The following FAM13A variants were observed in gnomAD, a reference collection of about 807,000 sequenced individuals.
FAM13A encodes protein FAM13A.
In FAM13A, 76 loss-of-function variants were observed where a neutral mutation model predicts 129.6. The observed-to-expected ratio is 0.59, with a 90% CI of 0.49 to 0.71. The LOEUF (loss-of-function observed/expected upper bound fraction) is 0.71, where lower values mean the gene tolerates loss of function less well. Among genes scored for constraint, FAM13A ranks in the 30% least tolerant of loss-of-function variants. FAM13A has a pLI of 0.00. For synonymous variants in FAM13A, 443 were observed against 449.9 expected (o/e 0.98, Z 0.20); for missense variants, 1,108 against 1,249.3 (o/e 0.89, Z 1.70).
At chr4:88,871,348 G>A (rs1333733770) in intron 6 of FAM13A, among the ~76,000 whole-genome samples, 7 of 152,132 alleles carry the variant, frequency 4.6e-5, no homozygotes, top group Middle Eastern at 3.2e-3. Flanking sequence ...AAACTTCTTC[G>A]AGCTAAAGGA....
chr4:88,805,171 T>G, intron 7 of FAM13A, 119 bp from the exon 8 acceptor site: 1 of 641,084 alleles, frequency 1.6e-6, no homozygotes, highest in Non-Finnish European at 2.8e-6. Context: ...AATCACATGA[T>G]GGAATAAGGT....
At chr4:89,022,451 T>C (rs1253307881) in intron 2 of FAM13A, among the ~76,000 whole-genome samples, 1 of 152,186 alleles carries the variant, frequency 6.6e-6, no homozygotes, top group Non-Finnish European at 1.5e-5. Flanking sequence ...ATATGAATTT[T>C]AGCTCCAATT....
At chr4:88,797,684 T>C (rs949887271) in intron 8 of FAM13A, among the ~76,000 whole-genome samples, 4 of 152,190 alleles carry the variant, frequency 2.6e-5, no homozygotes, top group Admixed American at 6.5e-5. Context: ...GCCTTCAACA[T>C]AGTTTTTAAA....
At chr4:88,990,527 T>G (rs1474361496) in intron 4 of FAM13A, 1 of 153,074 alleles carries the variant, frequency 6.5e-6, no homozygotes, top group Non-Finnish European at 1.5e-5. Flanking sequence ...TAGACTGGTT[T>G]ATTTCCAGTA....
intron 4 of FAM13A, among the ~76,000 whole-genome samples, chr4:88,945,990 G>GTGTGTGTGTGTGTGTATATATA: frequency 2.1e-4 from 13 of 61,944 alleles, no homozygotes; most frequent in Non-Finnish European, 3.2e-4. Flanking sequence ...GTGTGTGTGT[G>GTGTGTGTGTGTGTGTATATATA]TATATATATA....
At chr4:89,055,220 T>G (rs532451992) in intron 1 of FAM13A, among the ~76,000 whole-genome samples, 2 of 152,336 alleles carry the variant, frequency 1.3e-5, no homozygotes, top group South Asian at 4.1e-4. Flanking sequence ...TTTGTCACGA[T>G]GTTTAAAATT....
chr4:88,923,036 T>G (rs1017163643), intron 5 of FAM13A, among the ~76,000 whole-genome samples: 6 of 152,038 alleles, frequency 3.9e-5, no homozygotes, highest in Non-Finnish European at 7.4e-5. Context: ...AATAACAGGC[T>G]CTGAAATTGT....
intron 6 of FAM13A, among the ~76,000 whole-genome samples, chr4:88,878,419 A>G (rs538767268): frequency 1.3e-5 from 2 of 151,866 alleles, no homozygotes; most frequent in African/African-American, 4.8e-5. Context: ...TGAGAGCACT[A>G]TACTGGTAAT....
At chr4:89,004,240 A>G (rs374302121) in intron 3 of FAM13A, among the ~76,000 whole-genome samples, 2 of 152,184 alleles carry the variant, frequency 1.3e-5, no homozygotes, top group East Asian at 3.9e-4. Flanking sequence ...TCGGATTCAA[A>G]TAACTCCCGT....
chr4:88,904,311 T>C (rs1320196657), intron 6 of FAM13A, among the ~76,000 whole-genome samples: 2 of 152,162 alleles, frequency 1.3e-5, no homozygotes, highest in African/African-American at 4.8e-5. Context: ...TAACAATACA[T>C]GCACATGTAT....
chr4:88,795,965 C>T (rs1330273029), intron 8 of FAM13A, among the ~76,000 whole-genome samples: 1 of 151,658 alleles, frequency 6.6e-6, no homozygotes, highest in Non-Finnish European at 1.5e-5. Flanking sequence ...AATTTTCTAT[C>T]TTGTAATTTT....
rs1729615369 is a variant in FAM13A, at chr4:88,811,277, T to A, written c.1008-6225A>T. Reference sequence around the variant, plus strand: ...ATATCTCCAAATCTCTCTTAAATAGTCTTTCCCTAGTTACACCACAGGACG... The same window carrying A: ...ATATCTCCAAATCTCTCTTAAATAGACTTTCCCTAGTTACACCACAGGACG... On this transcript the variant is annotated intron_variant, in intron 7 of 23. Coordinates refer to ENST00000264344, the MANE Select transcript of FAM13A (RefSeq NM_014883.4). Among the ~76,000 whole-genome samples, 3 of 152,180 alleles carry A rather than the reference T, an allele frequency of 2.0e-5. No individual in the cohort carries two copies. The South Asian group carries it at 6.2e-4, about 32-fold the overall frequency.
intron 6 of FAM13A, among the ~76,000 whole-genome samples, chr4:88,867,423 C>A (rs1202605226): frequency 6.6e-6 from 1 of 152,102 alleles, no homozygotes; most frequent in Non-Finnish European, 1.5e-5. Context: ...AAATAGAACA[C>A]GAAAAGGACA....
chr4:88,875,185 A>T lies in FAM13A; in HGVS notation c.844-24002T>A, dbSNP rs554576732. Among the ~76,000 whole-genome samples, 432 of 152,320 alleles carry T rather than the reference A, an allele frequency of 2.8e-3. 3 individuals are homozygous for T. Among genetic ancestry groups the T allele is most frequent in the African/African-American group, 9.6e-3 (401 of 41,574 alleles). The stretch of plus-strand genomic sequence containing the variant: ...AAATGTTAGACCTAAAACCATAAAA[A>T]CCCTAGAAGAAAACCTAGGCAATAC... On this transcript the variant is annotated intron_variant, in intron 6 of 23. Coordinates refer to ENST00000264344, the MANE Select transcript of FAM13A (RefSeq NM_014883.4).
At chr4:88,739,553 T>A (rs1242315196) in intron 19 of FAM13A, among the ~76,000 whole-genome samples, 5 of 149,388 alleles carry the variant, frequency 3.3e-5, no homozygotes, top group African/African-American at 4.9e-5. Flanking sequence ...GGTGGGCAGA[T>A]CACCTGAGGT....
At chr4:88,743,705 T>G (rs1337427763) in intron 19 of FAM13A, among the ~76,000 whole-genome samples, 2 of 152,208 alleles carry the variant, frequency 1.3e-5, no homozygotes, top group African/African-American at 4.8e-5. Context: ...AGCATTATTC[T>G]CTAATAGGGT....
At chr4:88,853,051 T>G (rs1477070523) in intron 6 of FAM13A, among the ~76,000 whole-genome samples, 1 of 152,214 alleles carries the variant, frequency 6.6e-6, no homozygotes, top group East Asian at 1.9e-4. Flanking sequence ...ATTATTATTG[T>G]TGTTACATAA....
At chr4:88,789,678 A>G (rs968531421) in intron 9 of FAM13A, among the ~76,000 whole-genome samples, 1 of 152,202 alleles carries the variant, frequency 6.6e-6, no homozygotes, top group African/African-American at 2.4e-5. Context: ...ACATTCCCGT[A>G]GGGCAAGATA....
intron 4 of FAM13A, among the ~76,000 whole-genome samples, chr4:88,954,340 G>C (rs1757405382): frequency 2.0e-5 from 3 of 152,150 alleles, no homozygotes; most frequent in African/African-American, 4.8e-5. Context: ...TGTCCAAAAA[G>C]AGTTAGAATA....
Sources: allele counts gnomAD v4.1 joint callset (sites outside exome capture counted in the v4.1 genomes callset), GRCh38; gene constraint gnomAD v4.1.1; transcripts MANE v1.5; gene names NCBI Gene and HGNC (gene_info 2026-07-23, HGNC 2026-07-21).